The following RPS6KC1 variants were observed in gnomAD, a reference collection of about 807,000 sequenced individuals.
RPS6KC1 encodes ribosomal protein S6 kinase C1.
Under a neutral mutation model 103.8 loss-of-function variants are expected in RPS6KC1, and 54 were observed. That is an observed-to-expected ratio of 0.52 (90% CI 0.42 to 0.65). RPS6KC1 has a LOEUF of 0.65. Ranked by LOEUF, RPS6KC1 falls within the 30% of genes least tolerant of loss-of-function variation. The pLI is 0.00. For synonymous variants in RPS6KC1, 439 were observed against 438.7 expected (o/e 1.00, Z -0.01); for missense variants, 1,151 against 1,253.8 (o/e 0.92, Z 1.24).
chr1:213,227,087 G>A (rs903342254), intron 8 of RPS6KC1, among the ~76,000 whole-genome samples: 1 of 152,112 alleles, frequency 6.6e-6, no homozygotes, highest in African/African-American at 2.4e-5. Flanking sequence ...CTGTAAACTT[G>A]ATTAATAAAA....
At chr1:213,086,306 TC>T (rs2080392117) in intron 3 of RPS6KC1, among the ~76,000 whole-genome samples, 1 of 152,208 alleles carries the variant, frequency 6.6e-6, no homozygotes, top group Non-Finnish European at 1.5e-5. Context: ...TGCCTGCGGC[TC>T]CTTGCCTTTC....
At chr1:213,337,201 G>A in the RPS6KC1 span, among the ~76,000 whole-genome samples, 1 of 152,162 alleles carries the variant, frequency 6.6e-6, no homozygotes, top group Admixed American at 6.5e-5. Context: ...TGCATCCTAA[G>A]TCCCACCCTC....
chr1:213,497,318 TG>T, the RPS6KC1 span, among the ~76,000 whole-genome samples: 1 of 151,976 alleles, frequency 6.6e-6, no homozygotes, highest in Non-Finnish European at 1.5e-5. Context: ...AGAGCATGTA[TG>T]GTACAGGCTG....
the RPS6KC1 span, among the ~76,000 whole-genome samples, chr1:213,376,590 C>T: frequency 1.3e-5 from 2 of 152,056 alleles, no homozygotes; most frequent in South Asian, 2.1e-4. Flanking sequence ...ACCGTTCCTC[C>T]GATTTTGCCT....
At chr1:213,834,746 A>G in the RPS6KC1 span, among the ~76,000 whole-genome samples, 1 of 152,058 alleles carries the variant, frequency 6.6e-6, no homozygotes, top group East Asian at 1.9e-4. Context: ...ATGATCTCCT[A>G]AAACTGAGCA....
At chr1:213,486,785 C>A in the RPS6KC1 span, among the ~76,000 whole-genome samples, 1 of 152,242 alleles carries the variant, frequency 6.6e-6, no homozygotes, top group African/African-American at 2.4e-5. Flanking sequence ...GCTGGGAATA[C>A]AAGGTAGTCA....
At chr1:213,424,768 G>A in the RPS6KC1 span, among the ~76,000 whole-genome samples, 1 of 152,198 alleles carries the variant, frequency 6.6e-6, no homozygotes, top group South Asian at 2.1e-4. Context: ...TCCTTTTGTA[G>A]GCCCAAACTT....
chr1:213,232,658 T>A lies in RPS6KC1; in HGVS notation c.1225+403T>A, dbSNP rs1230595819. Among the ~76,000 whole-genome samples, 4 of 152,308 alleles carry A rather than the reference T, an allele frequency of 2.6e-5. No homozygotes were observed. In the South Asian group the frequency reaches 8.3e-4, roughly 32 times the overall value. ...CTGAAGAATTAATTAATTACCTCCT[T>A]CTTTTAGAAGGCAAGGGTGTTGGCT... On this transcript the variant is annotated intron_variant, in intron 10 of 14. Coordinates refer to ENST00000366960, the MANE Select transcript of RPS6KC1 (RefSeq NM_012424.6).
the RPS6KC1 span, among the ~76,000 whole-genome samples, chr1:213,527,667 TC>T: frequency 6.6e-6 from 1 of 152,206 alleles, no homozygotes; most frequent in Admixed American, 6.5e-5. Context: ...TTTTAGCATT[TC>T]TTTTTTAAAA....
the RPS6KC1 span, among the ~76,000 whole-genome samples, chr1:213,623,291 T>C: frequency 1.2e-3 from 190 of 152,316 alleles, 2 homozygotes; most frequent in African/African-American, 4.0e-3. Context: ...TGAAGAACCA[T>C]GGATGGGCAC....
At chr1:213,605,107 T>A in the RPS6KC1 span, among the ~76,000 whole-genome samples, 1 of 152,230 alleles carries the variant, frequency 6.6e-6, no homozygotes, top group Non-Finnish European at 1.5e-5. Context: ...TCTGTCATGG[T>A]GCCCTTAGCT....
chr1:213,627,529 T>C, the RPS6KC1 span, among the ~76,000 whole-genome samples: 1 of 152,204 alleles, frequency 6.6e-6, no homozygotes, highest in Non-Finnish European at 1.5e-5. Context: ...TTCCAGTTTT[T>C]GCCCATTCAG....
intron 3 of RPS6KC1, among the ~76,000 whole-genome samples, chr1:213,099,678 A>G (rs1394837416): frequency 6.6e-6 from 1 of 152,068 alleles, no homozygotes; most frequent in African/African-American, 2.4e-5. Flanking sequence ...CCCTTAAGCT[A>G]CCCAGAAGGA....
chr1:213,331,464 G>T, the RPS6KC1 span, among the ~76,000 whole-genome samples: 1 of 152,214 alleles, frequency 6.6e-6, no homozygotes, highest in Non-Finnish European at 1.5e-5. Flanking sequence ...GGTTAATTGA[G>T]CCACTAGTAT....
At chr1:213,114,275 C>T (rs902967927) in intron 4 of RPS6KC1, among the ~76,000 whole-genome samples, 1 of 148,132 alleles carries the variant, frequency 6.8e-6, no homozygotes, top group Non-Finnish European at 1.5e-5. Flanking sequence ...AGGTCCTTCA[C>T]ATCCCTTGTA....
At chr1:213,418,708 A>T in the RPS6KC1 span, among the ~76,000 whole-genome samples, 1 of 152,186 alleles carries the variant, frequency 6.6e-6, no homozygotes. Flanking sequence ...TCCCTTGTCA[A>T]CAGGGGTGGA....
chr1:213,457,743 A>G, the RPS6KC1 span, among the ~76,000 whole-genome samples: 2 of 152,226 alleles, frequency 1.3e-5, no homozygotes, highest in Non-Finnish European at 2.9e-5. Flanking sequence ...TTTGCAAGGA[A>G]CAATTGGATC....
At chr1:213,682,634 C>T in the RPS6KC1 span, among the ~76,000 whole-genome samples, 1 of 152,182 alleles carries the variant, frequency 6.6e-6, no homozygotes, top group African/African-American at 2.4e-5. Flanking sequence ...TTAATATCTC[C>T]TCACTAGCAT....
At chr1:213,802,437 A>G in the RPS6KC1 span, among the ~76,000 whole-genome samples, 1 of 152,254 alleles carries the variant, frequency 6.6e-6, no homozygotes, top group Non-Finnish European at 1.5e-5. Context: ...TCTCAGTACC[A>G]GTAAGACCTC....
Sources: allele counts gnomAD v4.1 joint callset (sites outside exome capture counted in the v4.1 genomes callset), GRCh38; gene constraint gnomAD v4.1.1; transcripts MANE v1.5; gene names NCBI Gene and HGNC (gene_info 2026-07-23, HGNC 2026-07-21).